Variants in NLGN1 observed in about 807,000 individuals in gnomAD.
NLGN1 encodes neuroligin 1.
In NLGN1, 12 loss-of-function variants were observed where a neutral mutation model predicts 65.5. The ratio of observed to expected loss-of-function variants is 0.18; its 90% CI spans 0.12 to 0.30. NLGN1 has a LOEUF of 0.30. Among genes scored for constraint, NLGN1 ranks in the 10% least tolerant of loss-of-function variants. The pLI, the probability that NLGN1 is intolerant of heterozygous loss-of-function variation, is 1.00. For synonymous variants in NLGN1, 350 were observed against 359.5 expected (o/e 0.97, Z 0.30); for missense variants, 750 against 1,007.1 (o/e 0.74, Z 3.46).
At chr3:173,712,029 A>G (rs1769072560) in intron 3 of NLGN1, among the ~76,000 whole-genome samples, 1 of 152,212 alleles carries the variant, frequency 6.6e-6, no homozygotes, top group African/African-American at 2.4e-5. Context: ...TAAAATCTAC[A>G]GAGTATTGGG....
rs374880814 is a variant in NLGN1, at chr3:173,542,767, G to A, written c.-320-61512G>A. 2.6e-5 allele frequency among the ~76,000 whole-genome samples: 4 copies of A among 152,102 alleles called. No individual in the cohort carries two copies. The East Asian group carries it at 7.7e-4, about 29-fold the overall frequency. On this transcript the variant is annotated intron_variant, in intron 2 of 6. Transcript: ENST00000457714. ...ACTCTGGTATTGTTTATATACAGTT[G>A]TCTTTTATATTTAAAGAAGATTTTG...
intron 4 of NLGN1, among the ~76,000 whole-genome samples, chr3:174,003,405 G>T (rs1012197048): frequency 1.3e-5 from 2 of 152,010 alleles, no homozygotes; most frequent in African/African-American, 4.8e-5. Flanking sequence ...GGAGATTGCC[G>T]GAAATACATA....
At chr3:173,626,215 T>G (rs1178130090) in intron 3 of NLGN1, among the ~76,000 whole-genome samples, 1 of 152,032 alleles carries the variant, frequency 6.6e-6, no homozygotes, top group African/African-American at 2.4e-5. Context: ...AAATTAAAAT[T>G]TAAATAGCTA....
chr3:173,601,062 T>G (rs1170416270), intron 2 of NLGN1, among the ~76,000 whole-genome samples: 1 of 151,990 alleles, frequency 6.6e-6, no homozygotes, highest in Non-Finnish European at 1.5e-5. Context: ...TATACATGCT[T>G]TAAGTCAAAA....
intron 4 of NLGN1, among the ~76,000 whole-genome samples, chr3:173,962,998 C>T (rs941279756): frequency 1.3e-5 from 2 of 151,980 alleles, no homozygotes; most frequent in African/African-American, 2.4e-5. Context: ...TAGTTATGGT[C>T]GAGTTGCAAT....
intron 4 of NLGN1, among the ~76,000 whole-genome samples, chr3:174,274,453 CT>C (rs1206308888): frequency 6.6e-6 from 1 of 151,646 alleles, no homozygotes; most frequent in Non-Finnish European, 1.5e-5. Flanking sequence ...TATCCATCAT[CT>C]TTTTTTCAAT....
chr3:174,125,186 G>A (rs1322296430), intron 4 of NLGN1, among the ~76,000 whole-genome samples: 1 of 152,038 alleles, frequency 6.6e-6, no homozygotes, highest in Non-Finnish European at 1.5e-5. Flanking sequence ...GATCTTAATA[G>A]ATTTTCAGAT....
chr3:173,748,753 C>T (rs1436480294), intron 3 of NLGN1, among the ~76,000 whole-genome samples: 2 of 152,040 alleles, frequency 1.3e-5, no homozygotes, highest in African/African-American at 4.8e-5. Context: ...TCTTATCTAT[C>T]AGTTTGGAAG....
intron 3 of NLGN1, among the ~76,000 whole-genome samples, chr3:173,652,108 T>C (rs1295784777): frequency 2.6e-5 from 4 of 152,160 alleles, no homozygotes; most frequent in Admixed American, 2.0e-4. Flanking sequence ...TGCCCACTTT[T>C]TAATTGGGTT....
intron 4 of NLGN1, among the ~76,000 whole-genome samples, chr3:174,182,271 T>G (rs573309314): frequency 6.6e-6 from 1 of 152,316 alleles, no homozygotes; most frequent in African/African-American, 2.4e-5. Context: ...CCAGTTGCAA[T>G]AAATGTCTAT....
At chr3:173,995,303 C>G (rs1722034927) in intron 4 of NLGN1, among the ~76,000 whole-genome samples, 1 of 152,180 alleles carries the variant, frequency 6.6e-6, no homozygotes, top group South Asian at 2.1e-4. Flanking sequence ...GTCCACCTGC[C>G]TCATTCTCGT....
At chr3:173,966,434 A>G (rs1378881595) in intron 4 of NLGN1, among the ~76,000 whole-genome samples, 3 of 152,230 alleles carry the variant, frequency 2.0e-5, no homozygotes, top group Non-Finnish European at 2.9e-5. Context: ...TGTGTCATCT[A>G]ACAAAGGACA....
At chr3:173,848,286 C>A (rs1726210396) in intron 4 of NLGN1, among the ~76,000 whole-genome samples, 1 of 152,168 alleles carries the variant, frequency 6.6e-6, no homozygotes, top group Admixed American at 6.5e-5. Flanking sequence ...CCTCATTTCA[C>A]ACTTATGTGG....
chr3:173,549,559 A>G (rs918894027), intron 2 of NLGN1, among the ~76,000 whole-genome samples: 4 of 151,978 alleles, frequency 2.6e-5, no homozygotes, highest in South Asian at 2.1e-4. Flanking sequence ...AAAAAAAGGT[A>G]CCTCTCATTT....
At chr3:173,862,298 A>G (rs933971591) in intron 4 of NLGN1, among the ~76,000 whole-genome samples, 1 of 151,426 alleles carries the variant, frequency 6.6e-6, no homozygotes, top group Admixed American at 6.6e-5. Flanking sequence ...CGAGGTCGGG[A>G]GATCGAGACC....
intron 2 of NLGN1, among the ~76,000 whole-genome samples, chr3:173,463,469 C>G (rs910415516): frequency 6.6e-6 from 1 of 152,184 alleles, no homozygotes; most frequent in South Asian, 2.1e-4. Flanking sequence ...CCAACCTTAA[C>G]TACAAATGTT....
chr3:173,786,138 T>A (rs10513720), intron 3 of NLGN1, among the ~76,000 whole-genome samples: 4,899 of 152,290 alleles, frequency 0.032, 127 homozygotes, highest in African/African-American at 0.071. Context: ...GTATTTTTTT[T>A]ATGCACATTC....
At chr3:174,194,364 C>T (rs1732966382) in intron 4 of NLGN1, among the ~76,000 whole-genome samples, 1 of 151,494 alleles carries the variant, frequency 6.6e-6, no homozygotes, top group African/African-American at 2.4e-5. Context: ...GCAGGATAAT[C>T]ACTTAACCTG....
intron 4 of NLGN1, among the ~76,000 whole-genome samples, chr3:174,056,584 G>A (rs1417699535): frequency 6.6e-6 from 1 of 151,904 alleles, no homozygotes; most frequent in Admixed American, 6.6e-5. Flanking sequence ...TTTGTATCAT[G>A]GAAGTTCTCT....
Sources: allele counts gnomAD v4.1 joint callset (sites outside exome capture counted in the v4.1 genomes callset), GRCh38; gene constraint gnomAD v4.1.1; transcripts MANE v1.5; gene names NCBI Gene and HGNC (gene_info 2026-07-23, HGNC 2026-07-21).